KCNQ2: variants seen among roughly 807,000 people sequenced by gnomAD.
The protein encoded by KCNQ2 is potassium voltage-gated channel subfamily Q member 2, also known as potassium voltage-gated channel subfamily KQT member 2.
In KCNQ2, 14 loss-of-function variants were observed where a neutral mutation model predicts 84.8. That is an observed-to-expected ratio of 0.17 (90% confidence interval 0.11 to 0.26). The LOEUF (loss-of-function observed/expected upper bound fraction) is 0.26. KCNQ2 is among the 10% of genes least tolerant of loss of function. The pLI is 1.00. For missense variants in KCNQ2, 788 were observed against 1,254.0 expected (o/e 0.63, Z 5.61); for synonymous variants, 599 against 554.1 (o/e 1.08, Z -1.14).
chr20:63,411,689 G>A, intron 15 of KCNQ2: 2 of 540,226 alleles, frequency 3.7e-6, no homozygotes, highest in Non-Finnish European at 6.7e-6. Flanking sequence ...CGGGGAAAGG[G>A]TGGTACAAGG....
chr20:63,418,065 C>A (rs748152058), intron 12 of KCNQ2, among the ~76,000 whole-genome samples: 19 of 152,206 alleles, frequency 1.2e-4, no homozygotes, highest in Non-Finnish European at 2.5e-4. Context: ...TCCACCATGA[C>A]CCAAACTCTG....
At chr20:63,409,327 G>T (rs1215053467) in intron 15 of KCNQ2, among the ~76,000 whole-genome samples, 1 of 152,268 alleles carries the variant, frequency 6.6e-6, no homozygotes, top group African/African-American at 2.4e-5. Context: ...GTGCATGTGT[G>T]TGTGTAGGAT....
chr20:63,402,506 A>T lies in KCNQ2; in HGVS notation c.*4138T>A, dbSNP rs2145451919. 1 of 152,460 alleles carries T rather than the reference A, an allele frequency of 6.6e-6. No individual in the cohort carries two copies. The highest frequency in any genetic ancestry group is 1.9e-4 in the East Asian group (1 of 5,186). The allele number at this position is 152,460 out of a possible 1,614,324, so 9.4% of individuals were successfully genotyped here. On this transcript the variant is annotated 3_prime_UTR_variant, in exon 17 of 17. Coordinates refer to ENST00000359125, the MANE Select transcript of KCNQ2 (RefSeq NM_172107.4). ...TTCTAGAGAGAAGGGGGTGTCCTTT[A>T]TGGGGGTCCCTGACTGTGGGGGACC...
At chr20:63,445,842 CCTGT>C (rs2081404877) in intron 2 of KCNQ2, among the ~76,000 whole-genome samples, 1 of 135,676 alleles carries the variant, frequency 7.4e-6, no homozygotes, top group Non-Finnish European at 1.6e-5. Context: ...GCTGGGAGGC[CCTGT>C]CTGAGCTGGG....
intron 4 of KCNQ2, among the ~76,000 whole-genome samples, 179 bp from the exon 5 acceptor site, chr20:63,442,710 C>CCAT (rs1568933929): frequency 2.1e-5 from 1 of 46,922 alleles, no homozygotes; most frequent in Non-Finnish European, 4.7e-5. Context: ...ATCACCATCA[C>CCAT]CACCACCACC....
chr20:63,427,448 G>A (rs765080527), intron 10 of KCNQ2, among the ~76,000 whole-genome samples: 3 of 152,220 alleles, frequency 2.0e-5, no homozygotes, highest in Non-Finnish European at 2.9e-5. Flanking sequence ...CATGTGCAAC[G>A]GCTCCTGTAA....
chr20:63,424,797 G>A (rs1334147419), intron 10 of KCNQ2, among the ~76,000 whole-genome samples: 3 of 152,252 alleles, frequency 2.0e-5, no homozygotes, highest in African/African-American at 4.8e-5. Context: ...CTGTTTCCGC[G>A]GGTAAAGGCG....
At chr20:63,430,758 A>T (rs1200044741) in intron 9 of KCNQ2, among the ~76,000 whole-genome samples, 1 of 152,174 alleles carries the variant, frequency 6.6e-6, no homozygotes, top group African/African-American at 2.4e-5. Context: ...CCAGGGCAAG[A>T]CTCAGGAGAA....
At chr20:63,463,134 G>A (rs2081997987) in intron 1 of KCNQ2, among the ~76,000 whole-genome samples, 1 of 151,958 alleles carries the variant, frequency 6.6e-6, no homozygotes, top group Non-Finnish European at 1.5e-5. Context: ...GGGTAAGAAG[G>A]GGGTCATCTC....
Position 63,444,686 on chromosome 20 carries a change from C to T in KCNQ2, c.663G>A (p.Leu221=). 1 of 1,573,338 alleles carries T rather than the reference C, an allele frequency of 6.4e-7. No individual in the cohort carries two copies. Among genetic ancestry groups the T allele is most frequent in the Non-Finnish European group, 8.6e-7 (1 of 1,159,076 alleles). The change falls in exon 4 of 17, where the codon CTG becomes CTA. Residue 221 remains leucine (L), a synonymous_variant. Coordinates refer to ENST00000359125, the MANE Select transcript of KCNQ2 (RefSeq NM_172107.4). ...TGCTGTGGGCATAGACCACAGAGCC[C>T]AGCAGCTTCCAGGTGCCTCCCCGCC... is the stretch of plus-strand genomic sequence containing the variant. ...MDRRGGTWKL[L]GSVVYAHSKE... is the part of the protein sequence containing the mutation.
At position 63,470,500 on chromosome 20, in the gene KCNQ2, G is replaced by A. The variant is rs544571436; in HGVS notation, c.296+1668C>T. On this transcript the variant is annotated intron_variant, in intron 1 of 16. Transcript: ENST00000359125. ...GGCAGAGACAGGAAGGAGAGACAGA[G>A]GGGCTGACCCACGCAGGCCCAGGCA... is the stretch of plus-strand genomic sequence containing the variant. Among the ~76,000 whole-genome samples, 21 of 152,380 alleles carry A rather than the reference G, an allele frequency of 1.4e-4. No individual in the cohort carries two copies. In the South Asian group the frequency reaches 3.3e-3, roughly 24 times the overall value.
chr20:63,437,789 G>A (rs1156370128), intron 7 of KCNQ2, among the ~76,000 whole-genome samples: 1 of 152,194 alleles, frequency 6.6e-6, no homozygotes, highest in Admixed American at 6.5e-5. Context: ...CTGGTCCCAA[G>A]GGGGTCCTGC....
intron 1 of KCNQ2, among the ~76,000 whole-genome samples, chr20:63,470,163 C>T (rs1248049440): frequency 2.0e-5 from 3 of 152,220 alleles, no homozygotes; most frequent in Admixed American, 1.3e-4. Flanking sequence ...GAAAAAATCC[C>T]CCTCCCAAAG....
chr20:63,434,003 G>T, intron 7 of KCNQ2, 100 bp from the exon 8 acceptor site: 2 of 996,262 alleles, frequency 2.0e-6, no homozygotes, highest in Non-Finnish European at 3.1e-6. Flanking sequence ...GGACCCCCAT[G>T]CTGTAGGCCA....
intron 3 of KCNQ2, 46 bp from the exon 4 acceptor site, chr20:63,444,880 C>T (rs369671623): frequency 3.5e-5 from 54 of 1,535,148 alleles, no homozygotes; most frequent in Non-Finnish European, 4.6e-5. Flanking sequence ...CCGCTCCCCG[C>T]ACCCCCTTGG....
intron 9 of KCNQ2, among the ~76,000 whole-genome samples, chr20:63,429,490 C>T (rs901267930): frequency 1.4e-4 from 21 of 152,176 alleles, no homozygotes; most frequent in Non-Finnish European, 5.9e-5. Flanking sequence ...GCTATGGCCA[C>T]GGCCACCCCC....
rs1414910305 is a variant in KCNQ2 at position 63,424,165 on chromosome 20, G to A, written c.1247+12C>T. 1.3e-6 allele frequency: 2 copies of A among 1,555,712 alleles called. No homozygotes were observed. The highest frequency in any genetic ancestry group is 2.4e-5 in the East Asian group (1 of 41,820). ...CACGGCAGACACCAGGGTAGCAGCA[G>A]GGGGCACTGACCTTGGAGACGGCTC... On this transcript the variant is annotated intron_variant, in intron 11 of 16. Coordinates refer to ENST00000359125, the MANE Select transcript of KCNQ2 (RefSeq NM_172107.4).
rs1409885766 is a variant in KCNQ2, at chr20:63,407,619, A to AAC, written c.1888-245_1888-244insGT. On this transcript the variant is annotated intron_variant, in intron 16 of 16. Coordinates refer to ENST00000359125, the MANE Select transcript of KCNQ2 (RefSeq NM_172107.4). The surrounding 1 kb of genome is among the most constrained non-coding windows in gnomAD (Gnocchi z 7.2). Reference sequence around the variant, plus strand: ...GGAGAGACCCAGGCTAGTCCCAGGAAATGGGGGACCCAGGCTAGTCCCAGG... The same window carrying AAC: ...GGAGAGACCCAGGCTAGTCCCAGGAAACATGGGGGACCCAGGCTAGTCCCAGG... Among the ~76,000 whole-genome samples, 1 of 147,994 alleles carries AAC rather than the reference A, an allele frequency of 6.8e-6. No individual in the cohort carries two copies. The highest frequency in any genetic ancestry group is 2.0e-4 in the East Asian group (1 of 4,980).
intron 14 of KCNQ2, among the ~76,000 whole-genome samples, chr20:63,413,820 A>T (rs2080200698): frequency 6.6e-6 from 1 of 152,198 alleles, no homozygotes; most frequent in Non-Finnish European, 1.5e-5. Flanking sequence ...AGCAGGCAGA[A>T]GGTGGCTGAG....
Sources: gnomAD v4.1 joint callset for allele counts (sites outside exome capture counted in the v4.1 genomes callset) on GRCh38, gnomAD v4.1.1 for gene constraint, Gnocchi (gnomAD v3.1) non-coding constraint, MANE v1.5 for transcripts, NCBI Gene and HGNC (gene_info 2026-07-23, HGNC 2026-07-21) for gene names.